EXTL3: variants seen among roughly 807,000 people sequenced by gnomAD.
EXTL3 encodes the protein exostosin-like 3.
A neutral mutation model predicts 69.3 loss-of-function variants in EXTL3; 27 were observed. That is an observed-to-expected ratio of 0.39 (90% CI 0.29 to 0.54). The LOEUF is 0.54. Among genes scored for constraint, EXTL3 ranks in the 20% least tolerant of loss-of-function variants. EXTL3 has a pLI of 0.69. For missense variants in EXTL3, 1,003 were observed against 1,231.8 expected, an observed-to-expected ratio of 0.81 and a Z score of 2.78; for synonymous variants, 511 against 499.4, an observed-to-expected ratio of 1.02 and a Z score of -0.31.
chr8:28,625,738 A>T (rs1806479948), intron 1 of EXTL3, among the ~76,000 whole-genome samples: 1 of 152,128 alleles, frequency 6.6e-6, no homozygotes, highest in Admixed American at 6.6e-5. Context: ...ATGATGATAG[A>T]TGTCTGCTCG....
At chr8:28,624,943 A>G (rs1377482505) in intron 1 of EXTL3, among the ~76,000 whole-genome samples, 1 of 152,248 alleles carries the variant, frequency 6.6e-6, no homozygotes, top group Admixed American at 6.5e-5. Context: ...TCCAGCATCA[A>G]CTGTGAATAC....
chr8:28,731,115 A>G (rs890076582), intron 3 of EXTL3, 108 bp from the exon 4 acceptor site: 10 of 1,446,052 alleles, frequency 6.9e-6, no homozygotes, highest in African/African-American at 2.8e-5. Flanking sequence ...AGATCAGGCA[A>G]AATTATTCAG....
At chr8:28,609,497 G>T (rs1221277174) in intron 2 of EXTL3, among the ~76,000 whole-genome samples, 3 of 151,896 alleles carry the variant, frequency 2.0e-5, no homozygotes, top group Non-Finnish European at 1.5e-5. Flanking sequence ...AGTGGATTAT[G>T]TTGCCTTTTT....
chr8:28,735,732 G>A (rs1244863147), intron 4 of EXTL3, among the ~76,000 whole-genome samples: 1 of 152,168 alleles, frequency 6.6e-6, no homozygotes, highest in Non-Finnish European at 1.5e-5. Flanking sequence ...TCTTTCTTCT[G>A]GCAAAGATAG....
At chr8:28,733,919 G>A (rs1200089793) in intron 4 of EXTL3, among the ~76,000 whole-genome samples, 5 of 149,868 alleles carry the variant, frequency 3.3e-5, no homozygotes, top group South Asian at 2.1e-4. Context: ...CCGAGTTCAC[G>A]CCATTCTCCT....
At position 28,751,860 on chromosome 8, in the gene EXTL3, G is replaced by A. The variant is rs1486995439; in HGVS notation, c.*994G>A. ...CAGGAGATCAGCAGCGTGCACATCTGCTGTGGTCTGAAGTGGTTTGCAGGT... is the reference window on the plus strand; with the variant it reads ...CAGGAGATCAGCAGCGTGCACATCTACTGTGGTCTGAAGTGGTTTGCAGGT... On this transcript the variant is annotated 3_prime_UTR_variant, in exon 7 of 7. Transcript: ENST00000220562. 6.6e-6 allele frequency: 1 copy of A among 152,344 alleles called. No homozygotes were observed. The highest frequency in any genetic ancestry group is 2.4e-5 in the African/African-American group (1 of 41,470). The allele number at this position is 152,344 out of a possible 1,614,324, so 9.4% of individuals were successfully genotyped here.
chr8:28,698,415 G>A (rs1045678313), upstream of EXTL3: 3 of 152,342 alleles, frequency 2.0e-5, no homozygotes. Flanking sequence ...GCTCTGTGGT[G>A]TTGGACACCT....
chr8:28,726,893 T>C lies in EXTL3; in HGVS notation c.2149-4330T>C, dbSNP rs536269193. ...GCTTTTCTTTTCTTTTTTTTTTTTT[T>C]TTTTTTTGAGACGGAATCACTGTTG... is the stretch of plus-strand genomic sequence containing the variant. On this transcript the variant is annotated intron_variant, in intron 3 of 6. Coordinates refer to ENST00000220562, the MANE Select transcript of EXTL3 (RefSeq NM_001440.4). 8.4e-3 allele frequency among the ~76,000 whole-genome samples: 1,117 copies of C among 132,388 alleles called. 4 individuals are homozygous for C. The highest frequency in any genetic ancestry group is 0.019 in the Middle Eastern group (5 of 262). 86.9% of individuals were successfully genotyped at this position (132,388 alleles called of 152,430 possible).
chr8:28,688,094 T>C (rs562050827), intron 1 of EXTL3, among the ~76,000 whole-genome samples: 1 of 148,434 alleles, frequency 6.7e-6, no homozygotes, highest in East Asian at 2.0e-4. Context: ...GGAGTTTCGC[T>C]TTTGTCACCC....
intron 1 of EXTL3, among the ~76,000 whole-genome samples, chr8:28,649,142 G>C (rs1370265978): frequency 6.6e-6 from 1 of 152,150 alleles, no homozygotes; most frequent in Non-Finnish European, 1.5e-5. Flanking sequence ...GGGCTGAAGT[G>C]AGCTTTCTTC....
At chr8:28,740,304 G>C (rs1801748610) in intron 5 of EXTL3, 2 of 152,180 alleles carry the variant, frequency 1.3e-5, no homozygotes, top group Non-Finnish European at 2.9e-5. Flanking sequence ...ATTTTTATGA[G>C]ACTGAGTTTT....
intron 1 of EXTL3, among the ~76,000 whole-genome samples, chr8:28,648,032 A>G (rs1237517729): frequency 6.6e-6 from 1 of 151,896 alleles, no homozygotes; most frequent in East Asian, 1.9e-4. Flanking sequence ...GGGTGAAGAA[A>G]TCCAAGAGTT....
At chr8:28,684,165 T>C (rs1017172825) in intron 1 of EXTL3, among the ~76,000 whole-genome samples, 2 of 152,200 alleles carry the variant, frequency 1.3e-5, no homozygotes, top group Non-Finnish European at 2.9e-5. Flanking sequence ...ATTTTCCTTA[T>C]CTGTTTGTCT....
At chr8:28,714,438 G>A (rs1480218349) in intron 2 of EXTL3, among the ~76,000 whole-genome samples, 1 of 152,092 alleles carries the variant, frequency 6.6e-6, no homozygotes, top group African/African-American at 2.4e-5. Flanking sequence ...TAGAGAAAGT[G>A]GTTGTGCCTC....
intron 1 of EXTL3, among the ~76,000 whole-genome samples, chr8:28,629,921 G>T (rs1563429382): frequency 6.6e-6 from 1 of 152,178 alleles, no homozygotes; most frequent in Non-Finnish European, 1.5e-5. Flanking sequence ...GAGAGATGTG[G>T]AAGGGGGTGC....
chr8:28,690,081 G>A (rs1016983389), intron 1 of EXTL3, among the ~76,000 whole-genome samples: 2 of 151,992 alleles, frequency 1.3e-5, no homozygotes, highest in African/African-American at 2.4e-5. Flanking sequence ...TAGGATAAAA[G>A]GGTTGTATTT....
chr8:28,680,162 C>T (rs1437349452), intron 1 of EXTL3, among the ~76,000 whole-genome samples: 6 of 151,510 alleles, frequency 4.0e-5, no homozygotes, highest in African/African-American at 7.3e-5. Context: ...GAGGCCAAGG[C>T]GGGCAGATCA....
At chr8:28,704,470 G>T (rs1800877565) in intron 1 of EXTL3, among the ~76,000 whole-genome samples, 1 of 152,164 alleles carries the variant, frequency 6.6e-6, no homozygotes, top group Non-Finnish European at 1.5e-5. Context: ...TCACACACAT[G>T]CCTTTCCTTT....
At chr8:28,652,954 T>C in intron 1 of EXTL3, among the ~76,000 whole-genome samples, 1 of 152,188 alleles carries the variant, frequency 6.6e-6, no homozygotes, top group East Asian at 1.9e-4. Flanking sequence ...ATGCATAGGC[T>C]GACCCACATT....
Sources: allele counts gnomAD v4.1 joint callset (sites outside exome capture counted in the v4.1 genomes callset), GRCh38; gene constraint gnomAD v4.1.1; transcripts MANE v1.5; gene names NCBI Gene and HGNC (gene_info 2026-07-23, HGNC 2026-07-21).